Variants in DST observed in about 807,000 individuals in gnomAD.
The protein encoded by DST is dystonin, also known as bullous pemphigoid antigen.
DST carries 253 observed loss-of-function variants against 875.2 expected under a neutral mutation model. The ratio of observed to expected loss-of-function variants is 0.29; its 90% CI spans 0.26 to 0.32. DST has a LOEUF of 0.32. Ranked by LOEUF, DST falls within the 10% of genes least tolerant of loss-of-function variation. The pLI, the probability that DST is intolerant of heterozygous loss-of-function variation, is 1.00. For missense variants in DST, 8,287 were observed against 9,111.6 expected, an observed-to-expected ratio of 0.91 and a Z score of 3.68; for synonymous variants, 3,124 against 3,197.1, an observed-to-expected ratio of 0.98 and a Z score of 0.77.
At position 56,606,595 on chromosome 6, in the gene DST, C is replaced by T. The variant is rs777236859; in HGVS notation, c.8033G>A (p.Ser2678Asn). ...SMVPQGAPVG[S>N]LSVKNKAHCL... is the part of the protein sequence containing the mutation. The stretch of plus-strand genomic sequence containing the variant: ...ATGTGCTTTGTTCTTCACACTTAAG[C>T]TACCAACTGGTGCCCCCTGGGGAAC... Residue 2678 changes from serine to asparagine, a missense_variant, in exon 40 of 104, where the codon AGC becomes AAC. By Grantham distance (46) the Ser-to-Asn change is conservative. This residue lies in a region of DST where 3,138 missense variants were observed against 3,116.6 expected (regional missense o/e 1.01). Coordinates refer to ENST00000680361, the MANE Select transcript of DST (RefSeq NM_001374736.1). 12 of 1,613,468 alleles carry T rather than the reference C, an allele frequency of 7.4e-6. No homozygotes were observed. In the South Asian group the frequency reaches 1.3e-4, roughly 18 times the overall value.
At chr6:56,782,836 T>C (rs2099696847) in intron 4 of DST, among the ~76,000 whole-genome samples, 1 of 152,242 alleles carries the variant, frequency 6.6e-6, no homozygotes, top group Non-Finnish European at 1.5e-5. Flanking sequence ...TTTTGGATCT[T>C]TCCTGCTTTC....
At chr6:56,835,030 G>A (rs2153065798) in intron 4 of DST, among the ~76,000 whole-genome samples, 1 of 152,288 alleles carries the variant, frequency 6.6e-6, no homozygotes, top group South Asian at 2.1e-4. Flanking sequence ...GAGCTATCAA[G>A]CTATGAAAAG....
At chr6:56,707,427 A>G (rs2099345355) in intron 5 of DST, among the ~76,000 whole-genome samples, 1 of 152,220 alleles carries the variant, frequency 6.6e-6, no homozygotes. Context: ...ACAATATTAT[A>G]CAGCTCCTGA....
At chr6:56,898,125 G>A (rs1027585128) in intron 3 of DST, among the ~76,000 whole-genome samples, 3 of 152,178 alleles carry the variant, frequency 2.0e-5, no homozygotes, top group African/African-American at 4.8e-5. Context: ...TTGAACCCAC[G>A]TGAGTCTTAC....
In DST at chr6:56,529,647, T is replaced by C. The variant is rs780265996; in HGVS notation, c.17396A>G (p.Gln5799Arg). The change falls in exon 66 of 104, where the codon CAA becomes CGA. Residue 5799 changes from glutamine to arginine, a missense_variant. Transcript: ENST00000680361. ...CTCTTGAATCTCAATGTACCATACT[T>C]GAGAGAAGTCTAATTTACTCTGCAC... is the stretch of plus-strand genomic sequence containing the variant. Reference protein sequence around the residue: ...DMVQSKLDFSQVWYIEIQEKS... With the variant: ...DMVQSKLDFSRVWYIEIQEKS... 2 of 1,613,846 alleles carry C rather than the reference T, an allele frequency of 1.2e-6. No individual in the cohort carries two copies. The highest frequency in any genetic ancestry group is 1.7e-6 in the Non-Finnish European group (2 of 1,179,798).
At chr6:56,831,910 A>G (rs1440426298) in intron 4 of DST, among the ~76,000 whole-genome samples, 3 of 152,180 alleles carry the variant, frequency 2.0e-5, no homozygotes, top group Non-Finnish European at 2.9e-5. Context: ...GGTTGGGAAC[A>G]ATGCTGCTTG....
In DST at chr6:56,522,806, A is replaced by G. The variant is rs1467068723; in HGVS notation, c.18129+3555T>C. 4.6e-5 allele frequency among the ~76,000 whole-genome samples: 7 copies of G among 152,108 alleles called. No individual in the cohort carries two copies. The East Asian group carries it at 1.3e-3, about 29-fold the overall frequency. On this transcript the variant is annotated intron_variant, in intron 69 of 103. Transcript: ENST00000680361. Reference sequence around the variant, plus strand: ...AGACCCAGTAAGATATACATATTTTAGCAACTACTGACAGTTGTACATTAT... The same window carrying G: ...AGACCCAGTAAGATATACATATTTTGGCAACTACTGACAGTTGTACATTAT...
chr6:56,561,245 C>A (rs192754466), intron 57 of DST, 63 bp downstream of exon 57: 2 of 1,504,860 alleles, frequency 1.3e-6, no homozygotes, highest in Admixed American at 2.1e-5. Flanking sequence ...ACTACCAGAG[C>A]TCCGTTCCAA....
chr6:56,632,833 A>G (rs372990446), intron 28 of DST, 21 bp downstream of exon 28: 32 of 1,609,264 alleles, frequency 2.0e-5, no homozygotes, highest in Non-Finnish European at 2.6e-5. Flanking sequence ...GGAAAAAAAG[A>G]CAGGGATCCC....
intron 10 of DST, among the ~76,000 whole-genome samples, chr6:56,669,605 A>G (rs2099089636): frequency 6.6e-6 from 1 of 151,912 alleles, no homozygotes. Flanking sequence ...CAAAAAAAAA[A>G]AAAAAGAAAA....
chr6:56,618,234 G>T, intron 36 of DST: 1 of 1,614,138 alleles, frequency 6.2e-7, no homozygotes, highest in Non-Finnish European at 8.5e-7. Context: ...ACTTCTTTGG[G>T]TATCTGTTCA....
chr6:56,673,848 A>C (rs1343560038), intron 9 of DST, among the ~76,000 whole-genome samples: 2 of 152,226 alleles, frequency 1.3e-5, no homozygotes, highest in Non-Finnish European at 2.9e-5. Flanking sequence ...AGGGCAGGTG[A>C]ATTCTAACTC....
intron 12 of DST, among the ~76,000 whole-genome samples, chr6:56,649,589 TG>T (rs1230613117): frequency 6.9e-6 from 1 of 144,870 alleles, no homozygotes; most frequent in Non-Finnish European, 1.5e-5. Context: ...GGGAGGTGAG[TG>T]GGGGTGCTGA....
Position 56,519,313 on chromosome 6 carries a change from A to G in DST, c.18130-1693T>C, listed in dbSNP as rs113694441. On this transcript the variant is annotated intron_variant, in intron 69 of 103. Transcript: ENST00000680361. ...ACTCTATTCCAACCAAACACTACAG[A>G]AAAAATGGTTGCTCCACTCACACTC... is the stretch of plus-strand genomic sequence containing the variant. 2.4e-3 allele frequency among the ~76,000 whole-genome samples: 368 copies of G among 152,302 alleles called. 1 individual carries two copies. Among genetic ancestry groups the G allele is most frequent in the African/African-American group, 8.7e-3 (363 of 41,562 alleles).
intron 4 of DST, among the ~76,000 whole-genome samples, chr6:56,835,856 T>C (rs1262067492): frequency 1.3e-5 from 2 of 152,182 alleles, no homozygotes; most frequent in African/African-American, 4.8e-5. Context: ...TAGAGTAAAA[T>C]CAAGACTTTG....
At chr6:56,750,134 C>T (rs1283484252) in intron 4 of DST, among the ~76,000 whole-genome samples, 1 of 152,152 alleles carries the variant, frequency 6.6e-6, no homozygotes, top group Non-Finnish European at 1.5e-5. Flanking sequence ...CTTAATTCCT[C>T]TTGGTAAAAA....
intron 4 of DST, among the ~76,000 whole-genome samples, chr6:56,839,310 A>G (rs749716737): frequency 1.3e-5 from 2 of 152,250 alleles, no homozygotes; most frequent in African/African-American, 2.4e-5. Context: ...AAGAAAAAGA[A>G]AACACCTATT....
At chr6:56,668,726 C>T (rs919674328) in intron 10 of DST, among the ~76,000 whole-genome samples, 3 of 151,962 alleles carry the variant, frequency 2.0e-5, no homozygotes, top group Non-Finnish European at 4.4e-5. Context: ...TGAGATCATG[C>T]CATTGCACTC....
Position 56,557,527 on chromosome 6 carries a change from A to C in DST, c.14441-9T>G. The stretch of plus-strand genomic sequence containing the variant: ...TTCTTGCCACTTAGAATCTAAAAGA[A>C]AAAAAATGAAACTGGTGTTTGACAT... On this transcript the variant is annotated splice_polypyrimidine_tract_variant and intron_variant, in intron 58 of 103. Transcript: ENST00000680361. The C allele has an allele frequency of 6.3e-7, 1 of 1,596,770 alleles. No individual in the cohort carries two copies. The highest frequency in any genetic ancestry group is 8.5e-7 in the Non-Finnish European group (1 of 1,170,442).
Sources: gnomAD v4.1 joint callset for allele counts (sites outside exome capture counted in the v4.1 genomes callset) on GRCh38, gnomAD v4.1.1 for gene constraint, gnomAD v4.1.1 regional missense constraint, MANE v1.5 for transcripts, NCBI Gene and HGNC (gene_info 2026-07-23, HGNC 2026-07-21) for gene names.